TOX: variants seen among roughly 807,000 people sequenced by gnomAD.
The protein encoded by TOX is thymocyte selection associated high mobility group box, also known as thymocyte selection-associated high mobility group box protein TOX.
In TOX, 11 loss-of-function variants were observed where a neutral mutation model predicts 53.7. The ratio of observed to expected loss-of-function variants is 0.20; its 90% CI spans 0.13 to 0.34. The LOEUF is 0.34. Ranked by LOEUF, TOX falls within the 10% of genes least tolerant of loss-of-function variation. TOX has a pLI of 1.00. For synonymous variants in TOX, 225 were observed against 245.3 expected (o/e 0.92, Z 0.77); for missense variants, 570 against 664.6 (o/e 0.86, Z 1.56).
intron 3 of TOX, among the ~76,000 whole-genome samples, chr8:58,879,646 G>A (rs553687972): frequency 6.6e-6 from 1 of 152,190 alleles, no homozygotes; most frequent in Admixed American, 6.5e-5. Context: ...TAGTCCTTTG[G>A]GGAATGCCAC....
chr8:58,825,293 A>G (rs1314298620), intron 6 of TOX, among the ~76,000 whole-genome samples: 1 of 152,214 alleles, frequency 6.6e-6, no homozygotes, highest in Non-Finnish European at 1.5e-5. Flanking sequence ...CTCCAGCAAA[A>G]TTTCTACTGC....
At chr8:58,905,716 G>A (rs113088024) in intron 3 of TOX, among the ~76,000 whole-genome samples, 100 of 152,292 alleles carry the variant, frequency 6.6e-4, no homozygotes, top group African/African-American at 2.1e-3. Context: ...CACAACGTGC[G>A]CCATGCTTGC....
chr8:58,911,894 G>T (rs887457249), intron 3 of TOX, among the ~76,000 whole-genome samples: 1 of 152,114 alleles, frequency 6.6e-6, no homozygotes, highest in African/African-American at 2.4e-5. Context: ...TGGAGACGGG[G>T]TTTCTCCATG....
At chr8:58,935,805 T>G (rs951616976) in intron 3 of TOX, among the ~76,000 whole-genome samples, 11 of 152,232 alleles carry the variant, frequency 7.2e-5, no homozygotes, top group African/African-American at 2.7e-4. Flanking sequence ...TACAAGGAAG[T>G]GTGATGAGCA....
At chr8:58,901,266 T>G (rs1342968122) in intron 3 of TOX, among the ~76,000 whole-genome samples, 2 of 152,128 alleles carry the variant, frequency 1.3e-5, no homozygotes, top group African/African-American at 2.4e-5. Flanking sequence ...TAAATGCACT[T>G]TATGTTCCAC....
intron 1 of TOX, among the ~76,000 whole-genome samples, chr8:59,032,665 C>T (rs892099224): frequency 6.6e-6 from 1 of 152,168 alleles, no homozygotes; most frequent in African/African-American, 2.4e-5. Flanking sequence ...TCACTTAAAG[C>T]TCATGGATAC....
chr8:58,897,706 T>TTTTTC (rs1210873123), intron 3 of TOX, among the ~76,000 whole-genome samples: 1 of 151,932 alleles, frequency 6.6e-6, no homozygotes, highest in Non-Finnish European at 1.5e-5. Context: ...TGGAAGTCTT[T>TTTTTC]TTTTTTTAAC....
intron 1 of TOX, among the ~76,000 whole-genome samples, chr8:59,035,393 T>C (rs1168534332): frequency 1.3e-5 from 2 of 152,198 alleles, no homozygotes; most frequent in East Asian, 3.9e-4. Flanking sequence ...AGACAGGATC[T>C]TACTGTGTTG....
chr8:58,921,357 G>C (rs1280397864), intron 3 of TOX, among the ~76,000 whole-genome samples: 2 of 152,182 alleles, frequency 1.3e-5, no homozygotes, highest in Non-Finnish European at 2.9e-5. Context: ...TTCCAACCTA[G>C]ATAGGAACGA....
chr8:59,029,640 T>C (rs907920399), intron 1 of TOX, among the ~76,000 whole-genome samples: 1 of 152,148 alleles, frequency 6.6e-6, no homozygotes, highest in African/African-American at 2.4e-5. Context: ...AGGATTAACA[T>C]TTTTTAAAAT....
intron 4 of TOX, among the ~76,000 whole-genome samples, chr8:58,843,322 T>C (rs895197036): frequency 4.6e-5 from 7 of 152,184 alleles, no homozygotes; most frequent in Non-Finnish European, 8.8e-5. Flanking sequence ...TCTCCTTCAA[T>C]AACTAAACTA....
intron 2 of TOX, among the ~76,000 whole-genome samples, chr8:58,945,849 TTTC>T (rs1199862411): frequency 1.2e-4 from 18 of 152,272 alleles, no homozygotes; most frequent in Admixed American, 9.8e-4. Context: ...CAAAATCTAG[TTTC>T]TCTACCAGAG....
At chr8:58,872,259 A>G (rs2129170090) in intron 3 of TOX, among the ~76,000 whole-genome samples, 1 of 152,260 alleles carries the variant, frequency 6.6e-6, no homozygotes, top group East Asian at 1.9e-4. Context: ...GTATAAAAAT[A>G]AATACCCATG....
chr8:58,877,438 G>C (rs553470147), intron 3 of TOX, among the ~76,000 whole-genome samples: 1 of 152,180 alleles, frequency 6.6e-6, no homozygotes, highest in Non-Finnish European at 1.5e-5. Flanking sequence ...ACAAAATTGT[G>C]CTTCCTCAAT....
intron 1 of TOX, among the ~76,000 whole-genome samples, chr8:59,075,234 G>C (rs1184947759): frequency 6.6e-6 from 1 of 152,124 alleles, no homozygotes; most frequent in Admixed American, 6.5e-5. Flanking sequence ...ATCTGTGATG[G>C]GGTTCAGAAC....
At position 59,027,628 on chromosome 8, in the gene TOX, A is replaced by G. The variant is rs561520003; in HGVS notation, c.103-67620T>C. 4.6e-5 allele frequency among the ~76,000 whole-genome samples: 7 copies of G among 152,228 alleles called. No individual in the cohort carries two copies. The South Asian group carries it at 6.2e-4, about 14-fold the overall frequency. ...CATGTTTCCTCTCATCATTAAGCCA[A>G]TTATGAAGGAATTATTACCTTTGCC... On this transcript the variant is annotated intron_variant, in intron 1 of 8. Coordinates refer to ENST00000361421, the MANE Select transcript of TOX (RefSeq NM_014729.3).
At chr8:59,076,085 G>T (rs565612659) in intron 1 of TOX, among the ~76,000 whole-genome samples, 3 of 151,962 alleles carry the variant, frequency 2.0e-5, no homozygotes, top group Non-Finnish European at 4.4e-5. Context: ...AGAAGAAGGC[G>T]CTGTAAACCA....
At chr8:58,945,157 T>C (rs1375392814) in intron 2 of TOX, among the ~76,000 whole-genome samples, 1 of 152,194 alleles carries the variant, frequency 6.6e-6, no homozygotes, top group African/African-American at 2.4e-5. Flanking sequence ...GCTGATCTGG[T>C]TCTCACAGTT....
At chr8:59,084,286 A>G (rs1208835075) in intron 1 of TOX, among the ~76,000 whole-genome samples, 1 of 152,180 alleles carries the variant, frequency 6.6e-6, no homozygotes, top group African/African-American at 2.4e-5. Context: ...AAAGAAAAAG[A>G]TAACGATATA....
Sources: gnomAD v4.1 joint callset for allele counts (sites outside exome capture counted in the v4.1 genomes callset) on GRCh38, gnomAD v4.1.1 for gene constraint, MANE v1.5 for transcripts, NCBI Gene and HGNC (gene_info 2026-07-23, HGNC 2026-07-21) for gene names.